RBFOX1: variants seen among roughly 807,000 people sequenced by gnomAD.
RBFOX1 encodes RNA binding protein fox-1 homolog 1.
A neutral mutation model predicts 57.7 loss-of-function variants in RBFOX1; 8 were observed. That is an observed-to-expected ratio of 0.14 (90% CI 0.08 to 0.25). RBFOX1 has a LOEUF of 0.25. Ranked by LOEUF, RBFOX1 falls within the 10% of genes least tolerant of loss-of-function variation. The probability of loss-of-function intolerance (pLI) is 1.00; values close to 1 mark genes in which losing one functional copy is unlikely to be tolerated. For synonymous variants in RBFOX1, 326 were observed against 222.4 expected, an observed-to-expected ratio of 1.47 and a Z score of -4.15; for missense variants, 611 against 548.5, an observed-to-expected ratio of 1.11 and a Z score of -1.14.
chr16:6,005,383 C>G (rs1398603967), intron 4 of RBFOX1, among the ~76,000 whole-genome samples: 2 of 152,204 alleles, frequency 1.3e-5, no homozygotes, highest in East Asian at 3.8e-4. Context: ...CTGCTATGGG[C>G]CAGGCACCTG....
chr16:7,452,530 A>G (rs554764539), intron 4 of RBFOX1, among the ~76,000 whole-genome samples: 24 of 152,314 alleles, frequency 1.6e-4, no homozygotes, highest in Admixed American at 1.3e-3. Context: ...AAATAAATAA[A>G]TGATCAATGC....
intron 4 of RBFOX1, among the ~76,000 whole-genome samples, chr16:7,202,628 A>G (rs2088868854): frequency 6.6e-6 from 1 of 152,210 alleles, no homozygotes; most frequent in Non-Finnish European, 1.5e-5. Context: ...TGCTTGCATC[A>G]GCACCTGAGC....
intron 4 of RBFOX1, among the ~76,000 whole-genome samples, chr16:7,509,440 G>C (rs1184813322): frequency 6.6e-6 from 1 of 151,834 alleles, no homozygotes; most frequent in East Asian, 1.9e-4. Context: ...GTCTGTGTCT[G>C]TGTCTGTGTG....
intron 3 of RBFOX1, among the ~76,000 whole-genome samples, chr16:7,030,470 G>C (rs1157617168): frequency 1.3e-5 from 2 of 152,158 alleles, no homozygotes; most frequent in African/African-American, 4.8e-5. Flanking sequence ...CTCTAGGGTA[G>C]AATCCTTCCT....
intron 2 of RBFOX1, among the ~76,000 whole-genome samples, chr16:6,573,153 A>C (rs960117757): frequency 6.6e-6 from 1 of 152,138 alleles, no homozygotes; most frequent in Admixed American, 6.5e-5. Flanking sequence ...GGGTTTCACC[A>C]CTACCAGAGA....
At chr16:6,536,997 G>C (rs2096744263) in intron 2 of RBFOX1, among the ~76,000 whole-genome samples, 1 of 152,100 alleles carries the variant, frequency 6.6e-6, no homozygotes, top group Non-Finnish European at 1.5e-5. Context: ...TGTCTTTTCT[G>C]GGGAAAGAAA....
chr16:5,459,226 C>T (rs373101673), intron 1 of RBFOX1, among the ~76,000 whole-genome samples: 29 of 152,278 alleles, frequency 1.9e-4, no homozygotes, highest in African/African-American at 5.8e-4. Flanking sequence ...CAGATATGAC[C>T]CTTGTCCTCT....
At chr16:7,222,806 T>C (rs979513961) in intron 4 of RBFOX1, among the ~76,000 whole-genome samples, 5 of 152,332 alleles carry the variant, frequency 3.3e-5, no homozygotes, top group African/African-American at 7.2e-5. Context: ...TCAGGTACTC[T>C]TCTGGGTACT....
At chr16:7,341,776 CTCCTTCCTTCCTTCCTTCCTTCCTTCCT>C (rs767808435) in intron 4 of RBFOX1, among the ~76,000 whole-genome samples, 4 of 95,120 alleles carry the variant, frequency 4.2e-5, no homozygotes, top group African/African-American at 1.6e-4. Flanking sequence ...CCCTCCCTCC[CTCCTTCCTTCCTTCCTTCCTTCCTTCCT>C]TCCTTCCTTC....
chr16:7,698,794 G>A (rs558622238), intron 14 of RBFOX1, among the ~76,000 whole-genome samples: 4 of 152,200 alleles, frequency 2.6e-5, no homozygotes, highest in African/African-American at 9.6e-5. Flanking sequence ...AGGAACTTAG[G>A]AAACATACTC....
intron 1 of RBFOX1, among the ~76,000 whole-genome samples, chr16:6,225,576 A>G (rs1486403695): frequency 1.3e-5 from 2 of 152,222 alleles, no homozygotes; most frequent in Non-Finnish European, 2.9e-5. Flanking sequence ...GCAAATGAGG[A>G]TAGTGAAATT....
At chr16:5,932,768 C>G (rs1196063512) in intron 4 of RBFOX1, among the ~76,000 whole-genome samples, 3 of 152,140 alleles carry the variant, frequency 2.0e-5, no homozygotes, top group East Asian at 1.9e-4. Flanking sequence ...ACGTGGGATG[C>G]TGAAGAATTC....
intron 2 of RBFOX1, among the ~76,000 whole-genome samples, chr16:6,383,915 G>A (rs1308102168): frequency 6.6e-6 from 1 of 151,986 alleles, no homozygotes; most frequent in Non-Finnish European, 1.5e-5. Flanking sequence ...GAAGCATAAT[G>A]GATCCTCTGT....
At chr16:7,325,098 G>C (rs1207144436) in intron 4 of RBFOX1, among the ~76,000 whole-genome samples, 3 of 152,182 alleles carry the variant, frequency 2.0e-5, no homozygotes, top group African/African-American at 4.8e-5. Context: ...GGGAGGAAGA[G>C]TTTTGATATC....
rs115431278 is a variant in RBFOX1 at position 7,151,247 on chromosome 16, C to T, written c.27+99149C>T. Among the ~76,000 whole-genome samples, 759 of 152,272 alleles carry T rather than the reference C, an allele frequency of 5.0e-3. 6 individuals carry two copies. Among genetic ancestry groups the T allele is most frequent in the African/African-American group, 0.017 (721 of 41,552 alleles). On this transcript the variant is annotated intron_variant, in intron 4 of 15. Transcript: ENST00000550418. Reference sequence around the variant, plus strand: ...GTCACTCATAGAATGGGAGATGGGCCACATTTTTCTTGCCTTCACTTGGAT... The same window carrying T: ...GTCACTCATAGAATGGGAGATGGGCTACATTTTTCTTGCCTTCACTTGGAT...
intron 11 of RBFOX1, among the ~76,000 whole-genome samples, chr16:7,638,972 C>T (rs1338427493): frequency 1.3e-5 from 2 of 152,086 alleles, no homozygotes; most frequent in Non-Finnish European, 2.9e-5. Flanking sequence ...ACCATTTTAT[C>T]ACATTTTAAA....
chr16:6,694,960 C>T (rs139378553), intron 3 of RBFOX1, among the ~76,000 whole-genome samples: 135 of 152,010 alleles, frequency 8.9e-4, no homozygotes, highest in Non-Finnish European at 1.6e-3. Flanking sequence ...TAGTTCAGTA[C>T]CACAGGTGTC....
chr16:6,500,452 G>A (rs1014815155), intron 2 of RBFOX1, among the ~76,000 whole-genome samples: 1 of 152,162 alleles, frequency 6.6e-6, no homozygotes, highest in African/African-American at 2.4e-5. Flanking sequence ...ACTCCAAATT[G>A]CAGCTCCAAC....
chr16:5,963,796 A>G (rs9922973), intron 4 of RBFOX1, among the ~76,000 whole-genome samples: 39,894 of 152,158 alleles, frequency 0.26, 5,424 homozygotes, highest in Middle Eastern at 0.47. Context: ...ACCTAAAGCC[A>G]TAAGACTCCT....
Sources: gnomAD v4.1 joint callset for allele counts (sites outside exome capture counted in the v4.1 genomes callset) on GRCh38, gnomAD v4.1.1 for gene constraint, MANE v1.5 for transcripts, NCBI Gene and HGNC (gene_info 2026-07-23, HGNC 2026-07-21) for gene names.